Variants in ASTN2 observed in about 807,000 individuals in gnomAD.
ASTN2 encodes the protein astrotactin-2.
ASTN2 carries 54 observed loss-of-function variants against 139.8 expected under a neutral mutation model. The observed-to-expected ratio is 0.39, with a 90% confidence interval of 0.31 to 0.48. The LOEUF (loss-of-function observed/expected upper bound fraction) is 0.48, where lower values mean the gene tolerates loss of function less well. Ranked by LOEUF, ASTN2 falls within the 20% of genes least tolerant of loss-of-function variation. ASTN2 has a pLI of 0.95. For missense variants in ASTN2, 1,565 were observed against 1,725.1 expected, an observed-to-expected ratio of 0.91 and a Z score of 1.64; for synonymous variants, 756 against 719.5, an observed-to-expected ratio of 1.05 and a Z score of -0.81.
intron 2 of ASTN2, among the ~76,000 whole-genome samples, chr9:117,223,097 T>A (rs1356660259): frequency 6.6e-6 from 1 of 152,104 alleles, no homozygotes; most frequent in South Asian, 2.1e-4. Context: ...GGATCTAAAA[T>A]TTTTTTATGC....
At chr9:117,180,817 T>C (rs756421455) in intron 3 of ASTN2, 2 of 1,542,080 alleles carry the variant, frequency 1.3e-6, no homozygotes, top group Admixed American at 1.7e-5. Context: ...TTCATCAACA[T>C]TGAACTTGGT....
intron 11 of ASTN2, among the ~76,000 whole-genome samples, chr9:116,860,674 T>G (rs1832853342): frequency 6.6e-6 from 1 of 152,166 alleles, no homozygotes; most frequent in Non-Finnish European, 1.5e-5. Context: ...GCAGAAGGAC[T>G]GATAGTGAGA....
Position 116,858,412 on chromosome 9 carries a change from A to G in ASTN2, c.2040+5171T>C, listed in dbSNP as rs191526109. Among the ~76,000 whole-genome samples, 854 of 152,352 alleles carry G rather than the reference A, an allele frequency of 5.6e-3. 36 individuals carry two copies. The highest frequency in any genetic ancestry group is 0.052 in the Admixed American group (802 of 15,304). ...CCTGTGCTGGGAAAACCAGAAAAACATAAAAGAATGGCATTAGTGAAGTGC... is the reference window on the plus strand; with the variant it reads ...CCTGTGCTGGGAAAACCAGAAAAACGTAAAAGAATGGCATTAGTGAAGTGC... On this transcript the variant is annotated intron_variant, in intron 11 of 22. Transcript: ENST00000313400.
At chr9:116,489,953 AT>A (rs1284812881) in intron 19 of ASTN2, among the ~76,000 whole-genome samples, 1 of 152,160 alleles carries the variant, frequency 6.6e-6, no homozygotes, top group African/African-American at 2.4e-5. Flanking sequence ...CTGAGTACTA[AT>A]TCCACCATGG....
chr9:117,324,033 G>C (rs1180658529), intron 1 of ASTN2, among the ~76,000 whole-genome samples: 1 of 152,102 alleles, frequency 6.6e-6, no homozygotes, highest in Non-Finnish European at 1.5e-5. Flanking sequence ...AGAAAGAAGT[G>C]CCAATCAGCC....
At chr9:117,257,374 C>A (rs972498615) in intron 2 of ASTN2, among the ~76,000 whole-genome samples, 1 of 152,124 alleles carries the variant, frequency 6.6e-6, no homozygotes, top group African/African-American at 2.4e-5. Flanking sequence ...CAACTATGAC[C>A]AAAGAGTAGA....
At chr9:117,310,357 T>C (rs1033427439) in intron 1 of ASTN2, among the ~76,000 whole-genome samples, 3 of 152,122 alleles carry the variant, frequency 2.0e-5, no homozygotes, top group African/African-American at 4.8e-5. Context: ...AGGCCAGCAA[T>C]ATCAGAGTCA....
At chr9:116,484,423 C>T (rs1849272180) in intron 20 of ASTN2, among the ~76,000 whole-genome samples, 1 of 152,158 alleles carries the variant, frequency 6.6e-6, no homozygotes, top group African/African-American at 2.4e-5. Flanking sequence ...CCTGCGTGTC[C>T]CCAAGGCCTG....
intron 2 of ASTN2, among the ~76,000 whole-genome samples, chr9:117,235,149 G>C (rs1284018492): frequency 1.3e-5 from 2 of 151,856 alleles, no homozygotes; most frequent in African/African-American, 4.8e-5. Context: ...CAGGAGAATT[G>C]CTGGAACCCA....
intron 5 of ASTN2, among the ~76,000 whole-genome samples, chr9:117,090,299 T>G (rs1828673937): frequency 1.3e-5 from 2 of 152,202 alleles, no homozygotes; most frequent in African/African-American, 4.8e-5. Flanking sequence ...ATTTAGGAAA[T>G]CCCACCAGAC....
chr9:116,534,251 T>G (rs1797583332), intron 19 of ASTN2, among the ~76,000 whole-genome samples: 1 of 152,190 alleles, frequency 6.6e-6, no homozygotes, highest in Non-Finnish European at 1.5e-5. Context: ...TTCTTCTCTC[T>G]TTTCTTCTTT....
intron 3 of ASTN2, among the ~76,000 whole-genome samples, chr9:117,147,008 C>T (rs766012784): frequency 1.3e-5 from 2 of 151,974 alleles, no homozygotes; most frequent in Admixed American, 6.6e-5. Flanking sequence ...AATATCATAC[C>T]GTACCCCATA....
intron 11 of ASTN2, among the ~76,000 whole-genome samples, chr9:116,836,922 A>C (rs1832015861): frequency 6.6e-6 from 1 of 152,148 alleles, no homozygotes; most frequent in Admixed American, 6.5e-5. Flanking sequence ...GAGACAAAAA[A>C]AGACCACATG....
At chr9:116,789,688 C>T (rs571795022) in intron 13 of ASTN2, among the ~76,000 whole-genome samples, 54 of 152,252 alleles carry the variant, frequency 3.5e-4, no homozygotes, top group Admixed American at 3.1e-3. Context: ...CATGTGTGGG[C>T]TTATTAATGT....
chr9:117,003,945 C>T (rs576698742), intron 7 of ASTN2, among the ~76,000 whole-genome samples: 19 of 129,690 alleles, frequency 1.5e-4, no homozygotes, highest in African/African-American at 3.8e-4. Flanking sequence ...CTTTCACGCG[C>T]GCGCGCGCGT....
At chr9:116,733,095 A>G (rs761297299) in intron 14 of ASTN2, among the ~76,000 whole-genome samples, 10 of 152,172 alleles carry the variant, frequency 6.6e-5, no homozygotes, top group Non-Finnish European at 1.3e-4. Context: ...TGAGAATGAA[A>G]AGTGTTTTGA....
At chr9:117,306,384 G>C (rs981824808) in intron 1 of ASTN2, among the ~76,000 whole-genome samples, 4 of 152,136 alleles carry the variant, frequency 2.6e-5, no homozygotes, top group Non-Finnish European at 5.9e-5. Context: ...GTCAGGGATA[G>C]GGCTGGTGAG....
At chr9:116,604,140 C>T (rs10124137) in intron 19 of ASTN2, among the ~76,000 whole-genome samples, 3,443 of 152,264 alleles carry the variant, frequency 0.023, 133 homozygotes, top group African/African-American at 0.078. Context: ...GGAATTATGC[C>T]TGTCCTGTTA....
chr9:116,990,075 G>C (rs1048684034), intron 7 of ASTN2, among the ~76,000 whole-genome samples: 4 of 152,094 alleles, frequency 2.6e-5, no homozygotes, highest in African/African-American at 9.7e-5. Flanking sequence ...TTTAGAGTCA[G>C]AGAGGTCCAA....
Sources: gnomAD v4.1 joint callset for allele counts (sites outside exome capture counted in the v4.1 genomes callset) on GRCh38, gnomAD v4.1.1 for gene constraint, MANE v1.5 for transcripts, NCBI Gene and HGNC (gene_info 2026-07-23, HGNC 2026-07-21) for gene names.